DNM2: variants seen among roughly 807,000 people sequenced by gnomAD.
DNM2 encodes the protein dynamin-2.
A neutral mutation model predicts 99.0 loss-of-function variants in DNM2; 15 were observed. The observed-to-expected ratio is 0.15, with a 90% CI of 0.10 to 0.23. The LOEUF (loss-of-function observed/expected upper bound fraction) is 0.23. Among genes scored for constraint, DNM2 ranks in the 10% least tolerant of loss-of-function variants. The pLI is 1.00. For synonymous variants in DNM2, 525 were observed against 481.2 expected, an observed-to-expected ratio of 1.09 and a Z score of -1.19; for missense variants, 742 against 1,189.4, an observed-to-expected ratio of 0.62 and a Z score of 5.53.
intron 1 of DNM2, among the ~76,000 whole-genome samples, chr19:10,723,353 G>A (rs369370553): frequency 2.4e-4 from 36 of 152,082 alleles, no homozygotes; most frequent in African/African-American, 8.7e-4. Context: ...GGCTGGTCTC[G>A]AACTCCCGAC....
At position 10,720,207 on chromosome 19, in the gene DNM2, TA is replaced by T. The variant is rs2068891188; in HGVS notation, c.161+1805del. On this transcript the variant is annotated intron_variant, in intron 1 of 20. Transcript: ENST00000389253. ...CTAAACAAGTTTATTTTATTTTATT[TA>T]TTTATTTATTTTTTTTTTTTTTGAG... 3.4e-5 allele frequency among the ~76,000 whole-genome samples: 5 copies of T among 145,566 alleles called. No homozygotes were observed. In the East Asian group the frequency reaches 1.1e-3, roughly 31 times the overall value.
In DNM2 at chr19:10,764,740, C is replaced by T. The variant is rs1320459555; in HGVS notation, c.235+4929C>T. ...CTTGCCAGTCTCTGGGACCTCACCT[C>T]CTCCTGGTCCCCAGCCACTGCCCCC... On this transcript the variant is annotated intron_variant, in intron 2 of 20. Coordinates refer to ENST00000389253, the MANE Select transcript of DNM2 (RefSeq NM_001005361.3). This position sits in a 1 kb window ranked among gnomAD's most constrained non-coding sequence, Gnocchi z 4.1. 6.6e-6 allele frequency among the ~76,000 whole-genome samples: 1 copy of T among 152,148 alleles called. No homozygotes were observed. The highest frequency in any genetic ancestry group is 2.4e-5 in the African/African-American group (1 of 41,450).
chr19:10,724,109 A>G (rs1010208453), intron 1 of DNM2, among the ~76,000 whole-genome samples: 1 of 129,600 alleles, frequency 7.7e-6, no homozygotes, highest in Non-Finnish European at 1.6e-5. Flanking sequence ...GGCGATAAGT[A>G]TGATGGAAAA....
Position 10,830,951 on chromosome 19 carries a change from C to T in DNM2, c.2544-27C>T. On this transcript the variant is annotated intron_variant, in intron 20 of 20. Coordinates refer to ENST00000389253, the MANE Select transcript of DNM2 (RefSeq NM_001005361.3). The surrounding 1 kb of genome is among the most constrained non-coding windows in gnomAD (Gnocchi z 4.8). ...CCCGGCCTCACTGCCGTCTCCCCCT[C>T]CCCACCTGTCTTTATTCTCTTTGCA... 6.2e-7 allele frequency: 1 copy of T among 1,604,800 alleles called. No homozygotes were observed. The highest frequency in any genetic ancestry group is 8.5e-7 in the Non-Finnish European group (1 of 1,175,610).
intron 17 of DNM2, chr19:10,824,848 T>G: frequency 2.9e-6 from 2 of 680,748 alleles, no homozygotes; most frequent in Non-Finnish European, 2.5e-6. Context: ...AATGCCCAGG[T>G]GAGGGGATCC....
intron 11 of DNM2, among the ~76,000 whole-genome samples, chr19:10,799,890 C>T (rs2072076073): frequency 6.6e-6 from 1 of 151,634 alleles, no homozygotes; most frequent in Admixed American, 6.6e-5. Context: ...AAGCACACAC[C>T]CCAAGTTGCT....
At chr19:10,791,656 G>A (rs948300641) in intron 7 of DNM2, among the ~76,000 whole-genome samples, 1 of 152,168 alleles carries the variant, frequency 6.6e-6, no homozygotes, top group African/African-American at 2.4e-5. Flanking sequence ...TTTGTCCCCT[G>A]TGGCTGAGAG....
intron 12 of DNM2, 33 bp downstream of exon 12, chr19:10,802,391 G>A (rs1344323533): frequency 1.9e-6 from 3 of 1,608,158 alleles, no homozygotes; most frequent in Admixed American, 1.7e-5. Context: ...TGGTCGGGCG[G>A]CACCAATCCT....
intron 1 of DNM2, among the ~76,000 whole-genome samples, chr19:10,732,077 C>G (rs2069342720): frequency 6.6e-6 from 1 of 151,222 alleles, no homozygotes. Flanking sequence ...GCCTCAGCCT[C>G]CCGAGTAGCT....
chr19:10,785,665 G>A (rs1294851056), intron 6 of DNM2, among the ~76,000 whole-genome samples: 4 of 151,708 alleles, frequency 2.6e-5, no homozygotes, highest in South Asian at 4.2e-4. Flanking sequence ...GGTCTCAAAC[G>A]CCTATCCTCT....
chr19:10,791,710 C>G (rs2146002482), intron 7 of DNM2, among the ~76,000 whole-genome samples: 1 of 152,236 alleles, frequency 6.6e-6, no homozygotes, highest in East Asian at 1.9e-4. Flanking sequence ...TCCCCCTCCC[C>G]CCGTCGCCCA....
chr19:10,805,465 G>T (rs938141865), intron 12 of DNM2, among the ~76,000 whole-genome samples: 1 of 152,110 alleles, frequency 6.6e-6, no homozygotes, highest in Non-Finnish European at 1.5e-5. Context: ...GTGAAACCTC[G>T]TCTCTACAAA....
At chr19:10,826,797 G>A (rs1251560148) in intron 18 of DNM2, among the ~76,000 whole-genome samples, 2 of 152,186 alleles carry the variant, frequency 1.3e-5, no homozygotes, top group Non-Finnish European at 2.9e-5. Context: ...CGAGGTAAGA[G>A]CATCACTTGA....
Position 10,775,892 on chromosome 19 carries a change from A to C in DNM2, c.575A>C (p.Glu192Ala). The change falls in exon 4 of 21, where the codon GAA (glutamate) becomes GCA (alanine). Residue 192 changes from glutamate (E) to alanine (A), a missense_variant. Around this residue, in one of 7 missense-constraint regions of DNM2, gnomAD observed 192 missense variants for 358.9 expected, o/e 0.54. Coordinates refer to ENST00000389253, the MANE Select transcript of DNM2 (RefSeq NM_001005361.3). This position sits in a 1 kb window ranked among gnomAD's most constrained non-coding sequence, Gnocchi z 4.3. ...ANSDALKLAK[E>A]VDPQGLRTIG... Reference sequence around the variant, plus strand: ...TCCGACGCCCTCAAGCTGGCCAAGGAAGTCGATCCCCAAGGTAACCCTGAG... The same window carrying C: ...TCCGACGCCCTCAAGCTGGCCAAGGCAGTCGATCCCCAAGGTAACCCTGAG... 6.2e-7 allele frequency: 1 copy of C among 1,612,420 alleles called. No homozygotes were observed. Among genetic ancestry groups the C allele is most frequent in the Non-Finnish European group, 8.5e-7 (1 of 1,180,014 alleles).
In DNM2 at chr19:10,818,235, A is replaced by G. The variant is rs1001392772; in HGVS notation, c.1672-1745A>G. Among the ~76,000 whole-genome samples, 7 of 150,148 alleles carry G rather than the reference A, an allele frequency of 4.7e-5. No homozygotes were observed. Among genetic ancestry groups the G allele is most frequent in the African/African-American group, 1.7e-4 (7 of 40,782 alleles). On this transcript the variant is annotated intron_variant, in intron 15 of 20. Transcript: ENST00000389253. This position sits in a 1 kb window ranked among gnomAD's most constrained non-coding sequence, Gnocchi z 4.3. ...CCCTCTCCTATGCTCTGCTCCCTCC[A>G]TGGCCACCGGGCCCCTCTCCTATGC...
At chr19:10,736,418 A>G (rs953070015) in intron 1 of DNM2, among the ~76,000 whole-genome samples, 2 of 152,116 alleles carry the variant, frequency 1.3e-5, no homozygotes, top group Non-Finnish European at 2.9e-5. Flanking sequence ...ACTCATTTCT[A>G]TATTGCTGTA....
chr19:10,819,854 A>T, intron 15 of DNM2, 126 bp from the exon 16 acceptor site: 1 of 859,580 alleles, frequency 1.2e-6, no homozygotes, highest in Non-Finnish European at 2.0e-6. Context: ...ATGGGCTCAT[A>T]TACAGCAGCG....
chr19:10,754,435 T>C (rs1332874292), intron 1 of DNM2, among the ~76,000 whole-genome samples: 14 of 152,022 alleles, frequency 9.2e-5, no homozygotes, highest in Non-Finnish European at 2.1e-4. Flanking sequence ...TGTATTTTAG[T>C]AGAGACGGGG....
intron 16 of DNM2, among the ~76,000 whole-genome samples, chr19:10,821,688 C>A (rs933448596): frequency 6.6e-6 from 1 of 152,174 alleles, no homozygotes; most frequent in African/African-American, 2.4e-5. Flanking sequence ...TGCACCACCA[C>A]GCCTGGCTAA....
Sources: gnomAD v4.1 joint callset for allele counts (sites outside exome capture counted in the v4.1 genomes callset) on GRCh38, gnomAD v4.1.1 for gene constraint, gnomAD v4.1.1 regional missense constraint, Gnocchi (gnomAD v3.1) non-coding constraint, MANE v1.5 for transcripts, NCBI Gene and HGNC (gene_info 2026-07-23, HGNC 2026-07-21) for gene names.